ADRA1A: variants seen among roughly 807,000 people sequenced by gnomAD.
ADRA1A encodes the protein adrenoceptor alpha 1A, also known as alpha-1A adrenergic receptor.
In ADRA1A, 31 loss-of-function variants were observed where a neutral mutation model predicts 29.6. That is an observed-to-expected ratio of 1.05 (90% CI 0.79 to 1.41). The LOEUF (loss-of-function observed/expected upper bound fraction) is 1.41, where lower values mean the gene tolerates loss of function less well. Among genes scored for constraint, ADRA1A ranks in the 40% most tolerant of loss-of-function variants. The probability of loss-of-function intolerance (pLI) is 0.00; values close to 1 mark genes in which losing one functional copy is unlikely to be tolerated. For missense variants in ADRA1A, 619 were observed against 601.1 expected, an observed-to-expected ratio of 1.03 and a Z score of -0.31; for synonymous variants, 311 against 254.3, an observed-to-expected ratio of 1.22 and a Z score of -2.12.
At chr8:26,816,662 C>T (rs574504122) in intron 2 of ADRA1A, among the ~76,000 whole-genome samples, 1 of 152,306 alleles carries the variant, frequency 6.6e-6, no homozygotes, top group Non-Finnish European at 1.5e-5. Context: ...TGCGGTCACA[C>T]AAACACTCGA....
At chr8:26,786,747 G>C (rs116841753) in intron 2 of ADRA1A, among the ~76,000 whole-genome samples, 13,956 of 91,812 alleles carry the variant, frequency 0.15, 955 homozygotes, top group East Asian at 0.57. Context: ...GCTGGGTTGG[G>C]GGGGGGGGTC....
rs928643159 is a variant in ADRA1A at position 26,801,340 on chromosome 8, C to G, written c.884-30674G>C. Among the ~76,000 whole-genome samples, 21 of 151,944 alleles carry G rather than the reference C, an allele frequency of 1.4e-4. No homozygotes were observed. The East Asian group carries it at 4.1e-3, about 29-fold the overall frequency. On this transcript the variant is annotated intron_variant, in intron 2 of 2. Coordinates refer to ENST00000380573, the MANE Select transcript of ADRA1A (RefSeq NM_000680.4). ...TTGGAAAGGAAGAAGTCAAATTATC[C>G]TTGTTTGCAGATGATATAATCTTAT...
chr8:26,814,225 A>T (rs948822510), intron 2 of ADRA1A, among the ~76,000 whole-genome samples: 7 of 151,668 alleles, frequency 4.6e-5, no homozygotes, highest in African/African-American at 1.5e-4. Flanking sequence ...GAATTAAATG[A>T]TTCCTTTCTA....
chr8:26,838,863 C>A (rs1449300747), intron 2 of ADRA1A, among the ~76,000 whole-genome samples: 1 of 152,194 alleles, frequency 6.6e-6, no homozygotes, highest in East Asian at 1.9e-4. Flanking sequence ...GGGCCACCCC[C>A]TCAGGTAAAC....
chr8:26,859,016 C>G, intron 2 of ADRA1A: 1 of 1,216,076 alleles, frequency 8.2e-7, no homozygotes, highest in Non-Finnish European at 1.0e-6. Flanking sequence ...CCTTTGCAGT[C>G]AAATAGCCTA....
At chr8:26,801,523 A>G (rs1254314241) in intron 2 of ADRA1A, among the ~76,000 whole-genome samples, 3 of 152,160 alleles carry the variant, frequency 2.0e-5, no homozygotes, top group Non-Finnish European at 4.4e-5. Flanking sequence ...CAATAGCTAC[A>G]AATAAAATAA....
At chr8:26,754,553 C>A (rs1477484454), downstream of ADRA1A, among the ~76,000 whole-genome samples, 1 of 152,022 alleles carries the variant, frequency 6.6e-6, no homozygotes, top group African/African-American at 2.4e-5. Context: ...AGCCAGTCAG[C>A]CCACATTTGC....
intron 2 of ADRA1A, among the ~76,000 whole-genome samples, chr8:26,820,861 C>A (rs992825392): frequency 2.7e-5 from 4 of 147,918 alleles, no homozygotes; most frequent in East Asian, 2.0e-4. Context: ...TTAGTGTAAC[C>A]TTTACCATAT....
chr8:26,802,234 T>A (rs1808636857), intron 2 of ADRA1A, among the ~76,000 whole-genome samples: 1 of 151,974 alleles, frequency 6.6e-6, no homozygotes, highest in African/African-American at 2.4e-5. Context: ...TGGGATCACA[T>A]CAAGTTAACA....
chr8:26,814,157 A>G (rs772177799), intron 2 of ADRA1A, among the ~76,000 whole-genome samples: 7 of 152,094 alleles, frequency 4.6e-5, no homozygotes, highest in Non-Finnish European at 8.8e-5. Context: ...CTTAGCTTTA[A>G]AGGAGTGGTT....
Position 26,768,847 on chromosome 8 carries a change from A to G in ADRA1A, c.*1302T>C, listed in dbSNP as rs183719413. 352 of 982,182 alleles carry G rather than the reference A, an allele frequency of 3.6e-4. 1 individual carries two copies. In the African/African-American group the frequency reaches 5.9e-3, roughly 16 times the overall value. The allele number at this position is 982,182 out of a possible 1,614,324, so 60.8% of individuals were successfully genotyped here. ...TATGGTTTACCAAAATTTGGTATAC[A>G]TAAAGCAAAATATAGCATGTTCCCC... On this transcript the variant is annotated 3_prime_UTR_variant, in exon 3 of 3. Coordinates refer to ENST00000380573, the MANE Select transcript of ADRA1A (RefSeq NM_000680.4).
rs761153886 is a variant in ADRA1A at position 26,770,143 on chromosome 8, C to T, written c.*6G>A. 135 of 1,532,924 alleles carry T rather than the reference C, an allele frequency of 8.8e-5. No individual in the cohort carries two copies. The highest frequency in any genetic ancestry group is 1.8e-5 in the Non-Finnish European group (21 of 1,141,314). The allele number at this position is 1,532,924 out of a possible 1,614,324, so 95.0% of individuals were successfully genotyped here. Reference sequence around the variant, plus strand: ...TTATTCCCCTTTCCTCTGCATCTTTCCTGTCCTAGACTTCCTCCCCGTTCT... The same window carrying T: ...TTATTCCCCTTTCCTCTGCATCTTTTCTGTCCTAGACTTCCTCCCCGTTCT... On this transcript the variant is annotated 3_prime_UTR_variant, in exon 3 of 3. Transcript: ENST00000380573.
chr8:26,824,304 A>G (rs909211070), intron 2 of ADRA1A, among the ~76,000 whole-genome samples: 2 of 151,944 alleles, frequency 1.3e-5, no homozygotes, highest in East Asian at 1.9e-4. Context: ...GTAAGCAAAA[A>G]CTAATAAAGG....
rs201224020 is a variant in ADRA1A at position 26,864,147 on chromosome 8, C to T, written c.823G>A (p.Gly275Ser). 4.3e-5 allele frequency: 70 copies of T among 1,614,016 alleles called. No homozygotes were observed. Among genetic ancestry groups the T allele is most frequent in the Non-Finnish European group, 5.8e-5 (69 of 1,180,046 alleles). The change falls in exon 2 of 3, where the codon GGC (glycine) becomes AGC (serine). Residue 275 changes from glycine (G) to serine (S), a missense_variant. By Grantham distance (56) the Gly-to-Ser change is moderately conservative (BLOSUM62 0). Coordinates refer to ENST00000380573, the MANE Select transcript of ADRA1A (RefSeq NM_000680.4). This position sits in a 1 kb window ranked among gnomAD's most constrained non-coding sequence, Gnocchi z 8.1. ...AGGACGAAGCAGCCGACCACGATGC[C>T]CAGCGTTTTGGCCGCTTTCTTCTCC... is the stretch of plus-strand genomic sequence containing the variant. ...SREKKAAKTL[G>S]IVVGCFVLCW...
intron 2 of ADRA1A, among the ~76,000 whole-genome samples, chr8:26,771,313 T>G (rs990526255): frequency 6.6e-6 from 1 of 152,254 alleles, no homozygotes; most frequent in Non-Finnish European, 1.5e-5. Flanking sequence ...TTGCTTCACA[T>G]TCGGAGTCCT....
At chr8:26,803,351 G>A (rs1808735834) in intron 2 of ADRA1A, among the ~76,000 whole-genome samples, 1 of 152,010 alleles carries the variant, frequency 6.6e-6, no homozygotes, top group African/African-American at 2.4e-5. Context: ...CTCCATAAAT[G>A]TATCCTACTA....
In ADRA1A at chr8:26,769,507, G is replaced by A. The variant is rs779428629; in HGVS notation, c.*642C>T. 2.6e-5 allele frequency: 26 copies of A among 985,280 alleles called. No homozygotes were observed. The highest frequency in any genetic ancestry group is 3.1e-5 in the Non-Finnish European group (26 of 829,928). The allele number at this position is 985,280 out of a possible 1,614,324, so 61.0% of individuals were successfully genotyped here. A position where few individuals can be genotyped will look rare whatever the true frequency, so the allele number is the denominator to read the frequency against. ...CACTACATTCCAAGACATCATGAGT[G>A]CCCCTCACTCTCATCTTTGGGAAAT... On this transcript the variant is annotated 3_prime_UTR_variant, in exon 3 of 3. Coordinates refer to ENST00000380573, the MANE Select transcript of ADRA1A (RefSeq NM_000680.4).
At chr8:26,786,321 G>A (rs962102376) in intron 2 of ADRA1A, among the ~76,000 whole-genome samples, 1 of 151,134 alleles carries the variant, frequency 6.6e-6, no homozygotes. Context: ...TGCAACCTTC[G>A]CCTCCCAGGC....
At chr8:26,764,437 T>C (rs535118202), downstream of ADRA1A, among the ~76,000 whole-genome samples, 9 of 152,150 alleles carry the variant, frequency 5.9e-5, no homozygotes, top group Non-Finnish European at 1.3e-4. Flanking sequence ...TGCCCAGCCA[T>C]GGCAGAGATA....
Sources: gnomAD v4.1 joint callset for allele counts (sites outside exome capture counted in the v4.1 genomes callset) on GRCh38, gnomAD v4.1.1 for gene constraint, Gnocchi (gnomAD v3.1) non-coding constraint, MANE v1.5 for transcripts, NCBI Gene and HGNC (gene_info 2026-07-23, HGNC 2026-07-21) for gene names.